Variants in FBXO33 observed in about 807,000 individuals in gnomAD.
FBXO33 encodes the protein F-box protein 33, also known as F-box only protein 33.
FBXO33 carries 22 observed loss-of-function variants against 46.3 expected under a neutral mutation model. That is an observed-to-expected ratio of 0.48 (90% CI 0.34 to 0.68). The LOEUF (loss-of-function observed/expected upper bound fraction) is 0.68. Among genes scored for constraint, FBXO33 ranks in the 30% least tolerant of loss-of-function variants. The pLI, the probability that FBXO33 is intolerant of heterozygous loss-of-function variation, is 0.01. For synonymous variants in FBXO33, 337 were observed against 291.3 expected, an observed-to-expected ratio of 1.16 and a Z score of -1.60; for missense variants, 692 against 708.8, an observed-to-expected ratio of 0.98 and a Z score of 0.27.
intron 1 of FBXO33, among the ~76,000 whole-genome samples, 166 bp from the exon 2 acceptor site, chr14:39,402,677 ATT>A (rs58903755): frequency 4.2e-3 from 352 of 83,124 alleles, no homozygotes; most frequent in East Asian, 0.02. Flanking sequence ...ATATATTCAG[ATT>A]TTTTTTTTTT....
intron 1 of FBXO33, among the ~76,000 whole-genome samples, chr14:39,418,335 T>C (rs1328709186): frequency 6.6e-6 from 1 of 151,504 alleles, no homozygotes; most frequent in Non-Finnish European, 1.5e-5. Context: ...AGTGCTGGGA[T>C]TACAGGCCGG....
chr14:39,420,539 T>C (rs1887344775), intron 1 of FBXO33, among the ~76,000 whole-genome samples: 1 of 152,018 alleles, frequency 6.6e-6, no homozygotes, highest in South Asian at 2.1e-4. Flanking sequence ...TACAAAAAAT[T>C]AGCCAGGCGT....
At chr14:39,412,707 C>T (rs2075429405) in intron 1 of FBXO33, among the ~76,000 whole-genome samples, 1 of 152,060 alleles carries the variant, frequency 6.6e-6, no homozygotes, top group South Asian at 2.1e-4. Flanking sequence ...GCAGATATTG[C>T]AGGTTTACTT....
intron 1 of FBXO33, among the ~76,000 whole-genome samples, chr14:39,408,589 T>G (rs1363942709): frequency 6.6e-6 from 1 of 151,878 alleles, no homozygotes; most frequent in East Asian, 1.9e-4. Flanking sequence ...CTCGGCTCAC[T>G]GCAACCTCTG....
Position 39,431,850 on chromosome 14 carries a change from G to C in FBXO33, c.313C>G (p.Pro105Ala). The C allele has an allele frequency of 6.3e-7, 1 of 1,597,162 alleles. No individual in the cohort carries two copies. Among genetic ancestry groups the C allele is most frequent in the Non-Finnish European group, 8.5e-7 (1 of 1,175,526 alleles). ...ATGCGGAGCTGGGGCCACAGGGCCG[G>C]ATAGAAGAGGCACTCACGCCAGTGC... The part of the protein sequence containing the change: ...CSHWRECLFY[P>A]ALWPQLRICL... Residue 105 changes from proline (P) to alanine (A), a missense_variant, in exon 1 of 4, where the codon CCG (proline) becomes GCG (alanine). Coordinates refer to ENST00000298097, the MANE Select transcript of FBXO33 (RefSeq NM_203301.4).
At position 39,399,444 on chromosome 14, in the gene FBXO33, C is replaced by T; in HGVS notation, c.*72G>A. 2 of 1,346,978 alleles carry T rather than the reference C, an allele frequency of 1.5e-6. No individual in the cohort carries two copies. Among genetic ancestry groups the T allele is most frequent in the Non-Finnish European group, 2.0e-6 (2 of 986,322 alleles). 83.4% of individuals were successfully genotyped at this position (1,346,978 alleles called of 1,614,324 possible). Reference sequence around the variant, plus strand: ...AACACAGCACAAAAGGATTAATTCACACTACTGAAAAAAAAACATAATAGG... The same window carrying T: ...AACACAGCACAAAAGGATTAATTCATACTACTGAAAAAAAAACATAATAGG... On this transcript the variant is annotated 3_prime_UTR_variant, in exon 4 of 4. Transcript: ENST00000298097.
chr14:39,418,322 CA>C (rs1391445270), intron 1 of FBXO33, among the ~76,000 whole-genome samples: 1 of 151,604 alleles, frequency 6.6e-6, no homozygotes, highest in Non-Finnish European at 1.5e-5. Context: ...CTCAGCCTCC[CA>C]AAGTGCTGGG....
chr14:39,418,705 G>A (rs1331000989), intron 1 of FBXO33, among the ~76,000 whole-genome samples: 2 of 150,106 alleles, frequency 1.3e-5, no homozygotes, highest in Non-Finnish European at 3.0e-5. Context: ...AACCCGGAAG[G>A]CAGAGGTTGC....
chr14:39,418,295 C>G (rs1007145977), intron 1 of FBXO33, among the ~76,000 whole-genome samples: 3 of 150,326 alleles, frequency 2.0e-5, no homozygotes, highest in African/African-American at 7.3e-5. Context: ...GATCTCCTGA[C>G]CTCGTGATCC....
At chr14:39,424,192 C>A (rs2075499129) in intron 1 of FBXO33, among the ~76,000 whole-genome samples, 1 of 152,220 alleles carries the variant, frequency 6.6e-6, no homozygotes, top group African/African-American at 2.4e-5. Flanking sequence ...CAAAGAGACA[C>A]CTGGCTTGCT....
At position 39,398,506 on chromosome 14, in the gene FBXO33, G is replaced by A. The variant is rs59074678; in HGVS notation, c.*1010C>T. ...TGTTTTGTTTTTTCAGAGTTCTGAG[G>A]TTGCTGACTGAGCCACAGCACAGCT... On this transcript the variant is annotated 3_prime_UTR_variant, in exon 4 of 4. Transcript: ENST00000298097. 1 of 146,516 alleles carries A rather than the reference G, an allele frequency of 6.8e-6. No homozygotes were observed. The highest frequency in any genetic ancestry group is 2.0e-4 in the East Asian group (1 of 5,058). 9.1% of individuals were successfully genotyped at this position (146,516 alleles called of 1,614,324 possible).
At chr14:39,419,126 C>G (rs2075466217) in intron 1 of FBXO33, among the ~76,000 whole-genome samples, 1 of 152,152 alleles carries the variant, frequency 6.6e-6, no homozygotes, top group South Asian at 2.1e-4. Flanking sequence ...TAAAGTACAG[C>G]AAGGTAGAGA....
intron 3 of FBXO33, among the ~76,000 whole-genome samples, chr14:39,400,766 T>C (rs1322453496): frequency 1.3e-5 from 2 of 152,168 alleles, no homozygotes; most frequent in Non-Finnish European, 2.9e-5. Context: ...ATTATATACA[T>C]TAATACTTTG....
chr14:39,420,907 T>C (rs778904613), intron 1 of FBXO33, among the ~76,000 whole-genome samples: 7 of 152,254 alleles, frequency 4.6e-5, no homozygotes, highest in South Asian at 4.1e-4. Context: ...ATCTGTAAAA[T>C]AGAAATAATA....
intron 1 of FBXO33, among the ~76,000 whole-genome samples, chr14:39,406,708 C>G (rs1048199405): frequency 1.2e-4 from 18 of 152,096 alleles, no homozygotes; most frequent in Non-Finnish European, 2.5e-4. Context: ...CTTCATATTA[C>G]CCAGGTTTTT....
At chr14:39,414,805 G>A (rs1026341011) in intron 1 of FBXO33, among the ~76,000 whole-genome samples, 21 of 152,220 alleles carry the variant, frequency 1.4e-4, no homozygotes, top group Non-Finnish European at 2.4e-4. Flanking sequence ...GGGAACACAG[G>A]TGCACACCAC....
chr14:39,414,087 T>C (rs1375966175), intron 1 of FBXO33, among the ~76,000 whole-genome samples: 11 of 152,242 alleles, frequency 7.2e-5, no homozygotes, highest in Admixed American at 7.2e-4. Flanking sequence ...CTTCTTGCAA[T>C]AGAAGGCTGT....
chr14:39,409,721 T>C (rs534031910), intron 1 of FBXO33, among the ~76,000 whole-genome samples: 2 of 152,348 alleles, frequency 1.3e-5, no homozygotes, highest in South Asian at 2.1e-4. Context: ...GAGATGTTTT[T>C]CCATTTATTT....
At position 39,432,018 on chromosome 14, in the gene FBXO33, G is replaced by T. The variant is rs1369977069; in HGVS notation, c.145C>A (p.Pro49Thr). The change falls in exon 1 of 4, where the codon CCG (proline) becomes ACG (threonine). Residue 49 changes from proline (P) to threonine (T), a missense_variant. Pro to Thr is a conservative substitution (Grantham distance 38). Coordinates refer to ENST00000298097, the MANE Select transcript of FBXO33 (RefSeq NM_203301.4). ...CCCCGCCGCCGGCTGCCGGCTCCCGGCCGCCCCCGCAGTACCCGGAGCAGC... is the reference window on the plus strand; with the variant it reads ...CCCCGCCGCCGGCTGCCGGCTCCCGTCCGCCCCCGCAGTACCCGGAGCAGC... ...RGLLRVLRGR[P>T]GAGSRRRGRM... The T allele has an allele frequency of 1.8e-5, 26 of 1,409,016 alleles. No homozygotes were observed. The highest frequency in any genetic ancestry group is 2.4e-5 in the Non-Finnish European group (26 of 1,093,034). The allele number at this position is 1,409,016 out of a possible 1,614,324, so 87.3% of individuals were successfully genotyped here. A position where few individuals can be genotyped will look rare whatever the true frequency, so the allele number is the denominator to read the frequency against.
Sources: gnomAD v4.1 joint callset for allele counts (sites outside exome capture counted in the v4.1 genomes callset) on GRCh38, gnomAD v4.1.1 for gene constraint, MANE v1.5 for transcripts, NCBI Gene and HGNC (gene_info 2026-07-23, HGNC 2026-07-21) for gene names.